Variants in LARGE1 observed in about 807,000 individuals in gnomAD.
LARGE1 encodes LARGE xylosyl- and glucuronyltransferase 1.
LARGE1 carries 43 observed loss-of-function variants against 87.6 expected under a neutral mutation model. The ratio of observed to expected loss-of-function variants is 0.49; its 90% CI spans 0.38 to 0.63. The LOEUF is 0.63. Ranked by LOEUF, LARGE1 falls within the 30% of genes least tolerant of loss-of-function variation. The pLI, the probability that LARGE1 is intolerant of heterozygous loss-of-function variation, is 0.00. For synonymous variants in LARGE1, 434 were observed against 394.6 expected (o/e 1.10, Z -1.18); for missense variants, 802 against 1,000.2 (o/e 0.80, Z 2.67).
Position 33,274,313 on chromosome 22 carries a change from A to G in LARGE1, c.*114T>C. On this transcript the variant is annotated 3_prime_UTR_variant, in exon 15 of 15. Transcript: ENST00000397394. ...GCAGCTTGGCTGGGCCAAAGAGATA[A>G]ATAAAAACAAACCGAAAAAGCATGG... 2.6e-6 allele frequency: 3 copies of G among 1,160,546 alleles called. No homozygotes were observed. The South Asian group carries it at 3.7e-5, about 14-fold the overall frequency. 71.9% of individuals were successfully genotyped at this position (1,160,546 alleles called of 1,614,324 possible).
rs2067103579 is a variant in LARGE1 at position 33,432,171 on chromosome 22, G to C, written c.882C>G (p.Gly294=). ...ACCCTGAGGATTTACCTGTGTTGTA[G>C]CCTCTTCCAAGGGCTGGCCATGGGC... ...NHRPWPALGR[G]YNTGVILLLL... The change falls in exon 7 of 15, where the codon GGC becomes GGG. Residue 294 remains glycine (G), a synonymous_variant. Coordinates refer to ENST00000397394, the MANE Select transcript of LARGE1 (RefSeq NM_133642.5). 1 of 1,613,458 alleles carries C rather than the reference G, an allele frequency of 6.2e-7. No individual in the cohort carries two copies. The highest frequency in any genetic ancestry group is 8.5e-7 in the Non-Finnish European group (1 of 1,179,398).
chr22:33,266,215 A>AG (rs1383278175), intron 11 of LARGE1, among the ~76,000 whole-genome samples: 1 of 135,758 alleles, frequency 7.4e-6, no homozygotes, highest in East Asian at 2.0e-4. Context: ...TCTGATTTTC[A>AG]GGGCTTTTTT....
intron 5 of LARGE1, among the ~76,000 whole-genome samples, chr22:33,599,878 C>T (rs558502614): frequency 6.6e-6 from 1 of 152,312 alleles, no homozygotes; most frequent in East Asian, 1.9e-4. Context: ...CTTCCTCCTT[C>T]CCTAAGGTCG....
intron 5 of LARGE1, among the ~76,000 whole-genome samples, chr22:33,582,109 C>T (rs549643617): frequency 1.3e-5 from 2 of 152,310 alleles, no homozygotes; most frequent in African/African-American, 2.4e-5. Flanking sequence ...CTTGGAGACA[C>T]TTTTGGTTGT....
the LARGE1 span, among the ~76,000 whole-genome samples, chr22:33,146,343 T>A: frequency 6.6e-6 from 1 of 152,204 alleles, no homozygotes; most frequent in Non-Finnish European, 1.5e-5. Flanking sequence ...CTACCTAATT[T>A]CTATTCTAGC....
chr22:33,366,279 T>C (rs5998895), intron 9 of LARGE1, among the ~76,000 whole-genome samples: 2,727 of 152,370 alleles, frequency 0.018, 79 homozygotes, highest in African/African-American at 0.056. Flanking sequence ...TAAATGTGTG[T>C]GTGCTCTTGC....
chr22:33,812,552 G>T (rs1284246072), intron 1 of LARGE1, among the ~76,000 whole-genome samples: 2 of 152,194 alleles, frequency 1.3e-5, no homozygotes, highest in Non-Finnish European at 2.9e-5. Context: ...CATCAGTGAG[G>T]CCTCACTCAA....
chr22:33,785,117 GTATA>G (rs2085577820), intron 1 of LARGE1, among the ~76,000 whole-genome samples: 2 of 58,860 alleles, frequency 3.4e-5, no homozygotes, highest in African/African-American at 9.1e-5. Context: ...ATACATATGT[GTATA>G]TGCATATATG....
intron 7 of LARGE1, among the ~76,000 whole-genome samples, chr22:33,392,581 C>T (rs1209783339): frequency 6.6e-6 from 1 of 152,114 alleles, no homozygotes; most frequent in Admixed American, 6.6e-5. Flanking sequence ...ATTGCTTGAA[C>T]CTGGGAGGCG....
chr22:33,852,771 G>T (rs2063633563), intron 1 of LARGE1, among the ~76,000 whole-genome samples: 1 of 145,600 alleles, frequency 6.9e-6, no homozygotes, highest in African/African-American at 2.5e-5. Context: ...CAGGAGAATT[G>T]CTTGAACCTG....
the LARGE1 span, among the ~76,000 whole-genome samples, chr22:33,128,021 A>T: frequency 2.0e-5 from 3 of 152,240 alleles, no homozygotes; most frequent in African/African-American, 7.2e-5. Flanking sequence ...ATATATTAGT[A>T]TGCTTGATGA....
intron 2 of LARGE1, chr22:33,743,009 T>C (rs1400310988): frequency 2.0e-5 from 3 of 152,076 alleles, no homozygotes; most frequent in African/African-American, 7.2e-5. Flanking sequence ...ACCATTCTCT[T>C]GGTGCGATCC....
At chr22:33,695,150 C>G (rs1399645196) in intron 2 of LARGE1, among the ~76,000 whole-genome samples, 2 of 148,692 alleles carry the variant, frequency 1.3e-5, no homozygotes, top group African/African-American at 2.5e-5. Flanking sequence ...GTCTCCCAGG[C>G]TGGAGTGCAG....
At chr22:33,514,769 C>G (rs1021760443) in intron 6 of LARGE1, among the ~76,000 whole-genome samples, 1 of 152,100 alleles carries the variant, frequency 6.6e-6, no homozygotes, top group African/African-American at 2.4e-5. Flanking sequence ...GAGACAATCA[C>G]GAGTTTCAGT....
rs531620191 is a variant in LARGE1, at chr22:33,739,840, T to A, written c.106+21531A>T. ...ATACAGAATCACTGAGAGCCAAAGA[T>A]GAGGGCATGGAAGGAGGCGGGGGAT... On this transcript the variant is annotated intron_variant, in intron 2 of 14. Transcript: ENST00000397394. 4.6e-5 allele frequency among the ~76,000 whole-genome samples: 7 copies of A among 152,218 alleles called. No individual in the cohort carries two copies. The East Asian group carries it at 1.4e-3, about 29-fold the overall frequency.
chr22:33,453,803 A>G (rs5754561), intron 6 of LARGE1, among the ~76,000 whole-genome samples: 36,813 of 152,064 alleles, frequency 0.24, 5,045 homozygotes, highest in African/African-American at 0.37. Flanking sequence ...CTCTCATAAG[A>G]GATTTCTAAC....
intron 11 of LARGE1, among the ~76,000 whole-genome samples, chr22:33,313,604 C>T (rs1935839703): frequency 1.3e-5 from 2 of 152,178 alleles, no homozygotes; most frequent in South Asian, 4.1e-4. Flanking sequence ...CTCCTGCTGG[C>T]CTTGAAGAAG....
chr22:33,246,787 A>G (rs1281605679), intron 11 of LARGE1, among the ~76,000 whole-genome samples: 3 of 152,262 alleles, frequency 2.0e-5, no homozygotes, highest in Admixed American at 6.5e-5. Flanking sequence ...TAATGTATAT[A>G]TGACATAGAG....
At chr22:33,720,997 G>A (rs887600448) in intron 2 of LARGE1, among the ~76,000 whole-genome samples, 1 of 152,212 alleles carries the variant, frequency 6.6e-6, no homozygotes, top group African/African-American at 2.4e-5. Context: ...GATTCCTGGA[G>A]GAGTGAAAGG....
Sources: allele counts gnomAD v4.1 joint callset (sites outside exome capture counted in the v4.1 genomes callset), GRCh38; gene constraint gnomAD v4.1.1; transcripts MANE v1.5; gene names NCBI Gene and HGNC (gene_info 2026-07-23, HGNC 2026-07-21).